ARNT2: variants seen among roughly 807,000 people sequenced by gnomAD.
ARNT2 encodes the protein aryl hydrocarbon receptor nuclear translocator 2.
A neutral mutation model predicts 91.7 loss-of-function variants in ARNT2; 36 were observed. The ratio of observed to expected loss-of-function variants is 0.39; its 90% CI spans 0.30 to 0.52. ARNT2 has a LOEUF of 0.52. Ranked by LOEUF, ARNT2 falls within the 20% of genes least tolerant of loss-of-function variation. The pLI, the probability that ARNT2 is intolerant of heterozygous loss-of-function variation, is 0.72. For synonymous variants in ARNT2, 365 were observed against 347.1 expected (o/e 1.05, Z -0.57); for missense variants, 775 against 939.3 (o/e 0.83, Z 2.29).
At chr15:80,507,173 A>G (rs1337901373) in intron 5 of ARNT2, among the ~76,000 whole-genome samples, 7 of 152,208 alleles carry the variant, frequency 4.6e-5, no homozygotes, top group Non-Finnish European at 2.9e-5. Flanking sequence ...TGGTGTTTAA[A>G]TACTGGAGGA....
chr15:80,587,027 C>T (rs1893185136), intron 17 of ARNT2, among the ~76,000 whole-genome samples: 1 of 152,098 alleles, frequency 6.6e-6, no homozygotes, highest in African/African-American at 2.4e-5. Flanking sequence ...AAAGCTCAGT[C>T]CCGGACATTT....
chr15:80,558,255 G>A lies in ARNT2; in HGVS notation c.1164+3116G>A, dbSNP rs140184742. On this transcript the variant is annotated intron_variant, in intron 11 of 18. Coordinates refer to ENST00000303329, the MANE Select transcript of ARNT2 (RefSeq NM_014862.4). Reference sequence around the variant, plus strand: ...CATAGCAACTATTTATTTGTCCATTGGCTTGTTTGGGGGGTTGTTTTTCTG... The same window carrying A: ...CATAGCAACTATTTATTTGTCCATTAGCTTGTTTGGGGGGTTGTTTTTCTG... 5.2e-3 allele frequency among the ~76,000 whole-genome samples: 783 copies of A among 151,784 alleles called. 5 individuals are homozygous for A. The highest frequency in any genetic ancestry group is 8.9e-3 in the Non-Finnish European group (608 of 67,984).
chr15:80,474,875 T>A (rs56914848), intron 4 of ARNT2, 135 bp from the exon 5 acceptor site: 30,591 of 937,026 alleles, frequency 0.033, 1,907 homozygotes, highest in African/African-American at 0.18. Context: ...GAAACAAAGT[T>A]CTCATTTCCC....
intron 17 of ARNT2, among the ~76,000 whole-genome samples, chr15:80,589,800 T>C (rs1165071789): frequency 6.6e-6 from 1 of 152,230 alleles, no homozygotes; most frequent in Non-Finnish European, 1.5e-5. Context: ...CTCCTGGCCC[T>C]TGGGGTCTTG....
chr15:80,488,004 A>AT (rs1897002599), intron 5 of ARNT2: 1 of 152,196 alleles, frequency 6.6e-6, no homozygotes, highest in Non-Finnish European at 1.5e-5. Flanking sequence ...TGTGCATTTT[A>AT]TGTACACATC....
At chr15:80,585,518 G>A (rs927676553) in intron 17 of ARNT2, among the ~76,000 whole-genome samples, 2 of 152,192 alleles carry the variant, frequency 1.3e-5, no homozygotes, top group African/African-American at 4.8e-5. Flanking sequence ...CTAAGAACTT[G>A]GAAGAGGAGA....
At chr15:80,511,727 T>C (rs1897345915) in intron 6 of ARNT2, among the ~76,000 whole-genome samples, 1 of 151,966 alleles carries the variant, frequency 6.6e-6, no homozygotes, top group Non-Finnish European at 1.5e-5. Flanking sequence ...GACAGAGGAC[T>C]GAGTCCTGGG....
chr15:80,487,549 C>T (rs1433940575), intron 5 of ARNT2, among the ~76,000 whole-genome samples: 1 of 152,204 alleles, frequency 6.6e-6, no homozygotes, highest in South Asian at 2.1e-4. Flanking sequence ...ACACCTGGCC[C>T]GCTCAGGCCT....
chr15:80,551,290 G>A lies in ARNT2; in HGVS notation c.954+15G>A, dbSNP rs372041092. On this transcript the variant is annotated intron_variant, in intron 9 of 18. Coordinates refer to ENST00000303329, the MANE Select transcript of ARNT2 (RefSeq NM_014862.4). ...GGAGACTCCAGGTAAGAAAAAATTC[G>A]TAGCCTTTTTAATCTTAAATGAAGG... The A allele has an allele frequency of 4.1e-5, 66 of 1,610,090 alleles. No homozygotes were observed. In the Admixed American group the frequency reaches 6.3e-4, roughly 15 times the overall value.
chr15:80,532,222 A>G (rs1430184734), intron 8 of ARNT2, among the ~76,000 whole-genome samples: 2 of 152,168 alleles, frequency 1.3e-5, no homozygotes, highest in African/African-American at 4.8e-5. Flanking sequence ...CAGTCAGTAC[A>G]TGGTGGAATC....
At chr15:80,563,392 A>G (rs1408172165) in intron 12 of ARNT2, among the ~76,000 whole-genome samples, 153 bp downstream of exon 12, 2 of 152,206 alleles carry the variant, frequency 1.3e-5, no homozygotes, top group Non-Finnish European at 2.9e-5. Flanking sequence ...GTAGGTCCCC[A>G]TCACTGTCTC....
chr15:80,504,389 A>C (rs1295115676), intron 5 of ARNT2, among the ~76,000 whole-genome samples: 1 of 152,200 alleles, frequency 6.6e-6, no homozygotes, highest in African/African-American at 2.4e-5. Context: ...CTTTGTGCTT[A>C]CATTAGTGTC....
chr15:80,583,314 A>T (rs1456574149), intron 17 of ARNT2, among the ~76,000 whole-genome samples: 14 of 152,354 alleles, frequency 9.2e-5, no homozygotes, highest in African/African-American at 3.1e-4. Context: ...GTGACGAGAC[A>T]GGTGGGCAGG....
In ARNT2 at chr15:80,528,531, C is replaced by T. The variant is rs117617340; in HGVS notation, c.877+14126C>T. Among the ~76,000 whole-genome samples, 310 of 152,222 alleles carry T rather than the reference C, an allele frequency of 2.0e-3. 7 individuals carry two copies. In the East Asian group the frequency reaches 0.032, roughly 16 times the overall value. On this transcript the variant is annotated intron_variant, in intron 8 of 18. Transcript: ENST00000303329. The stretch of plus-strand genomic sequence containing the variant: ...GTTTGCGCACCCCCTGCCCCACAAC[C>T]TCATGTTGAAATTGGACCCTCAATG...
rs184857418 is a variant in ARNT2 at position 80,590,297 on chromosome 15, A to G, written c.1919-1271A>G. 9.8e-4 allele frequency among the ~76,000 whole-genome samples: 149 copies of G among 152,314 alleles called. 1 individual carries two copies. The highest frequency in any genetic ancestry group is 3.2e-3 in the African/African-American group (135 of 41,572). ...ACTGAATGATTTGAAACAAGAAAAA[A>G]AGCTTCTAAGATTTTTGATGTTCCT... On this transcript the variant is annotated intron_variant, in intron 17 of 18. Coordinates refer to ENST00000303329, the MANE Select transcript of ARNT2 (RefSeq NM_014862.4).
At chr15:80,491,140 G>C (rs1897050917) in intron 5 of ARNT2, among the ~76,000 whole-genome samples, 1 of 152,180 alleles carries the variant, frequency 6.6e-6, no homozygotes, top group African/African-American at 2.4e-5. Context: ...GGGCAGGGAA[G>C]GTATTGGTGG....
chr15:80,471,536 A>G (rs1028615555), intron 4 of ARNT2, among the ~76,000 whole-genome samples: 2 of 152,174 alleles, frequency 1.3e-5, no homozygotes, highest in South Asian at 4.2e-4. Flanking sequence ...CCCTGAAAAA[A>G]GTTAAAGAAA....
intron 8 of ARNT2, among the ~76,000 whole-genome samples, chr15:80,523,768 G>A (rs1281791180): frequency 6.6e-6 from 1 of 152,172 alleles, no homozygotes; most frequent in Non-Finnish European, 1.5e-5. Flanking sequence ...CATCCAGAGA[G>A]TCTGCAAAGA....
At chr15:80,442,774 A>C in intron 1 of ARNT2, 1 of 905,874 alleles carries the variant, frequency 1.1e-6, no homozygotes, top group Non-Finnish European at 1.3e-6. Flanking sequence ...TGGTAGTTGT[A>C]AATATGCAAC....
Sources: allele counts gnomAD v4.1 joint callset (sites outside exome capture counted in the v4.1 genomes callset), GRCh38; gene constraint gnomAD v4.1.1; transcripts MANE v1.5; gene names NCBI Gene and HGNC (gene_info 2026-07-23, HGNC 2026-07-21).